Variants in GLIS1 observed in about 807,000 individuals in gnomAD.
GLIS1 encodes the protein GLIS family zinc finger 1, also known as zinc finger protein GLIS1.
In GLIS1, 24 loss-of-function variants were observed where a neutral mutation model predicts 63.8. The ratio of observed to expected loss-of-function variants is 0.38; its 90% CI spans 0.27 to 0.53. The LOEUF (loss-of-function observed/expected upper bound fraction) is 0.53, where lower values mean the gene tolerates loss of function less well. GLIS1 is among the 20% of genes least tolerant of loss of function. The pLI, the probability that GLIS1 is intolerant of heterozygous loss-of-function variation, is 0.85. For synonymous variants in GLIS1, 450 were observed against 482.5 expected, an observed-to-expected ratio of 0.93 and a Z score of 0.88; for missense variants, 1,036 against 1,074.1, an observed-to-expected ratio of 0.96 and a Z score of 0.50.
intron 4 of GLIS1, among the ~76,000 whole-genome samples, chr1:53,582,068 C>G (rs1645090582): frequency 6.6e-6 from 1 of 152,164 alleles, no homozygotes. Context: ...GCTCTGAACC[C>G]CTGGCCTCAC....
chr1:53,569,016 A>C lies in GLIS1; in HGVS notation c.1320+25092T>G, dbSNP rs145760008. Among the ~76,000 whole-genome samples the C allele has an allele frequency of 3.1e-3, 472 of 152,336 alleles. 2 individuals are homozygous for C. The highest frequency in any genetic ancestry group is 5.2e-3 in the Non-Finnish European group (353 of 68,026). ...ATTGAGCTATAAAAAGACCTGGAAG[A>C]AACTTAAATGCATATTACTAAATGA... On this transcript the variant is annotated intron_variant, in intron 4 of 10. Transcript: ENST00000628545.
chr1:53,673,909 C>T (rs1349386649), intron 2 of GLIS1, among the ~76,000 whole-genome samples: 3 of 152,144 alleles, frequency 2.0e-5, no homozygotes, highest in Non-Finnish European at 2.9e-5. Flanking sequence ...CGGTGGCTCA[C>T]GCCTGTAATC....
Position 53,509,872 on chromosome 1 carries a change from G to A in GLIS1, c.2039C>T (p.Pro680Leu), listed in dbSNP as rs1644280528. 6.9e-6 allele frequency: 9 copies of A among 1,307,992 alleles called. No homozygotes were observed. The highest frequency in any genetic ancestry group is 8.8e-6 in the Non-Finnish European group (9 of 1,019,726). The allele number at this position is 1,307,992 out of a possible 1,614,324, so 81.0% of individuals were successfully genotyped here. Reference sequence around the variant, plus strand: ...ACCTTGTGGGCTGGGCAGAGGCGGGGGTGGAGGGCTCTGGAAGGGTGGGTA... The same window carrying A: ...ACCTTGTGGGCTGGGCAGAGGCGGGAGTGGAGGGCTCTGGAAGGGTGGGTA... Reference protein sequence around the residue: ...PSYPPFQSPPPPPLPSPQGYQ... With the variant: ...PSYPPFQSPPLPPLPSPQGYQ... The change falls in exon 9 of 11, where the codon CCC (proline) becomes CTC (leucine). Residue 680 changes from proline to leucine, a missense_variant. Coordinates refer to ENST00000628545, the MANE Select transcript of GLIS1 (RefSeq NM_001367484.1).
chr1:53,700,369 G>A (rs1036419049), intron 2 of GLIS1, among the ~76,000 whole-genome samples: 5 of 152,210 alleles, frequency 3.3e-5, no homozygotes, highest in African/African-American at 9.6e-5. Context: ...GGGAGGGTAC[G>A]CGGCTCCGTG....
intron 2 of GLIS1, among the ~76,000 whole-genome samples, chr1:53,642,107 T>A (rs1269543173): frequency 6.6e-6 from 1 of 152,228 alleles, no homozygotes; most frequent in Non-Finnish European, 1.5e-5. Context: ...CCAGAGCTTG[T>A]GGGGCCAGGC....
intron 4 of GLIS1, among the ~76,000 whole-genome samples, chr1:53,537,124 C>A (rs1448177141): frequency 6.6e-6 from 1 of 152,160 alleles, no homozygotes; most frequent in African/African-American, 2.4e-5. Context: ...GGGAGCCATC[C>A]CAGGAGCCAG....
intron 2 of GLIS1, among the ~76,000 whole-genome samples, chr1:53,681,033 C>T (rs910713619): frequency 2.0e-5 from 3 of 152,252 alleles, no homozygotes; most frequent in African/African-American, 7.2e-5. Context: ...CCAGGGCCTT[C>T]AGCCTGACTG....
intron 2 of GLIS1, among the ~76,000 whole-genome samples, chr1:53,633,304 TGA>T (rs1381076954): frequency 7.0e-6 from 1 of 142,842 alleles, no homozygotes; most frequent in East Asian, 2.1e-4. Context: ...GGCGTGTGAA[TGA>T]GTGTGACTGG....
rs1173307971 is a variant in GLIS1 at position 53,533,354 on chromosome 1, T to C, written c.1321-3402A>G. Among the ~76,000 whole-genome samples, 3 of 152,246 alleles carry C rather than the reference T, an allele frequency of 2.0e-5. No individual in the cohort carries two copies. The East Asian group carries it at 5.8e-4, about 29-fold the overall frequency. ...CAAAGGGTGGGACAGAAGCATGATATGGGGGTTGCTGGGCATGCAGTCCAC... is the reference window on the plus strand; with the variant it reads ...CAAAGGGTGGGACAGAAGCATGATACGGGGGTTGCTGGGCATGCAGTCCAC... On this transcript the variant is annotated intron_variant, in intron 4 of 10. Coordinates refer to ENST00000628545, the MANE Select transcript of GLIS1 (RefSeq NM_001367484.1).
At chr1:53,636,094 T>C (rs1451191797) in intron 2 of GLIS1, among the ~76,000 whole-genome samples, 1 of 152,184 alleles carries the variant, frequency 6.6e-6, no homozygotes, top group Non-Finnish European at 1.5e-5. Flanking sequence ...GTTCACTGTA[T>C]AAGGCTAGGA....
intron 2 of GLIS1, among the ~76,000 whole-genome samples, chr1:53,613,476 A>G (rs1330789512): frequency 6.6e-6 from 1 of 152,230 alleles, no homozygotes; most frequent in Non-Finnish European, 1.5e-5. Flanking sequence ...TATATATCCA[A>G]TAATAGAAGA....
chr1:53,710,045 G>A (rs1445042486), intron 2 of GLIS1, among the ~76,000 whole-genome samples: 1 of 152,162 alleles, frequency 6.6e-6, no homozygotes, highest in Non-Finnish European at 1.5e-5. Flanking sequence ...GAGGATGCAT[G>A]CTGCCCACAC....
Position 53,560,799 on chromosome 1 carries a change from ACTCCACCCATACCTCAGTACCCCAGGC to A in GLIS1, c.1321-30874_1321-30848del, listed in dbSNP as rs1644884095. On this transcript the variant is annotated intron_variant, in intron 4 of 10. Transcript: ENST00000628545. This position sits in a 1 kb window ranked among gnomAD's most constrained non-coding sequence, Gnocchi z 4.4. ...CACGACAGTGGCGATGAGTCCTTGGACTCCACCCATACCTCAGTACCCCAGGCCTTGCCACCTGAAGGGGCAATACAC... is the reference window on the plus strand; with the variant it reads ...CACGACAGTGGCGATGAGTCCTTGGACTTGCCACCTGAAGGGGCAATACAC... Among the ~76,000 whole-genome samples, 1 of 151,532 alleles carries A rather than the reference ACTCCACCCATACCTCAGTACCCCAGGC, an allele frequency of 6.6e-6. No homozygotes were observed. The highest frequency in any genetic ancestry group is 2.4e-5 in the African/African-American group (1 of 41,186).
chr1:53,634,320 G>A (rs1645700798), intron 2 of GLIS1, among the ~76,000 whole-genome samples: 1 of 152,156 alleles, frequency 6.6e-6, no homozygotes, highest in African/African-American at 2.4e-5. Flanking sequence ...ATACAGATGA[G>A]ACCACAAAGG....
intron 2 of GLIS1, chr1:53,688,874 C>A (rs1177300914): frequency 1.3e-5 from 2 of 152,190 alleles, no homozygotes; most frequent in African/African-American, 4.8e-5. Flanking sequence ...TTTGGGGGCA[C>A]CTTGAGGACA....
At chr1:53,575,032 CT>C (rs1343641226) in intron 4 of GLIS1, among the ~76,000 whole-genome samples, 1 of 152,188 alleles carries the variant, frequency 6.6e-6, no homozygotes, top group Non-Finnish European at 1.5e-5. Context: ...AGTTGGAAAA[CT>C]GCTTGCAAGC....
intron 4 of GLIS1, among the ~76,000 whole-genome samples, chr1:53,577,829 GCTT>G (rs1408232551): frequency 6.6e-6 from 1 of 152,116 alleles, no homozygotes; most frequent in Admixed American, 6.5e-5. Context: ...GGTTTCTGCT[GCTT>G]GTAACTAAGG....
rs537260803 is a variant in GLIS1 at position 53,669,003 on chromosome 1, C to T, written c.260-68725G>A. Among the ~76,000 whole-genome samples the T allele has an allele frequency of 1.2e-4, 19 of 152,250 alleles. No homozygotes were observed. The East Asian group carries it at 1.5e-3, about 12-fold the overall frequency. On this transcript the variant is annotated intron_variant, in intron 2 of 10. Coordinates refer to ENST00000628545, the MANE Select transcript of GLIS1 (RefSeq NM_001367484.1). ...CTTTCATACCCATTGTCCCCTTTGG[C>T]GCTCCTAACCCCCACATGAGTCACC...
chr1:53,536,980 G>A (rs145816696), intron 4 of GLIS1, among the ~76,000 whole-genome samples: 6 of 152,378 alleles, frequency 3.9e-5, no homozygotes, highest in African/African-American at 7.2e-5. Flanking sequence ...CCCGGGAACC[G>A]TGAAGCCCCA....
Sources: gnomAD v4.1 joint callset for allele counts (sites outside exome capture counted in the v4.1 genomes callset) on GRCh38, gnomAD v4.1.1 for gene constraint, Gnocchi (gnomAD v3.1) non-coding constraint, MANE v1.5 for transcripts, NCBI Gene and HGNC (gene_info 2026-07-23, HGNC 2026-07-21) for gene names.